Variants in ZFPM2 observed in about 807,000 individuals in gnomAD.
The protein encoded by ZFPM2 is zinc finger protein, FOG family member 2.
ZFPM2 carries 20 observed loss-of-function variants against 98.6 expected under a neutral mutation model. That is an observed-to-expected ratio of 0.20 (90% CI 0.14 to 0.29). The LOEUF is 0.29. Among genes scored for constraint, ZFPM2 ranks in the 10% least tolerant of loss-of-function variants. The pLI, the probability that ZFPM2 is intolerant of heterozygous loss-of-function variation, is 1.00. For missense variants in ZFPM2, 1,310 were observed against 1,388.6 expected (o/e 0.94, Z 0.90); for synonymous variants, 518 against 502.7 (o/e 1.03, Z -0.41).
intron 3 of ZFPM2, among the ~76,000 whole-genome samples, chr8:105,521,237 TA>T (rs887787188): frequency 6.6e-6 from 1 of 151,704 alleles, no homozygotes; most frequent in African/African-American, 2.4e-5. Flanking sequence ...GGGCCATCAG[TA>T]AATCTAGAAA....
chr8:105,387,737 A>AC (rs1296921282), intron 1 of ZFPM2: 5 of 155,130 alleles, frequency 3.2e-5, no homozygotes, highest in African/African-American at 1.2e-4. Flanking sequence ...AAGGGGCTCC[A>AC]CCGTGCAGCG....
chr8:105,709,853 A>G (rs1405862615), intron 5 of ZFPM2, among the ~76,000 whole-genome samples: 2 of 152,178 alleles, frequency 1.3e-5, no homozygotes, highest in East Asian at 1.9e-4. Flanking sequence ...GGATTTCGCT[A>G]TGAAACTCAA....
intron 4 of ZFPM2, among the ~76,000 whole-genome samples, chr8:105,632,683 C>G (rs2130836738): frequency 6.6e-6 from 1 of 152,170 alleles, no homozygotes. Flanking sequence ...ACATTTTTGT[C>G]TATATTGTTA....
chr8:105,448,565 T>G (rs1812423451), intron 3 of ZFPM2, among the ~76,000 whole-genome samples: 1 of 152,070 alleles, frequency 6.6e-6, no homozygotes, highest in South Asian at 2.1e-4. Flanking sequence ...TAATTATTCA[T>G]GTACCATATT....
Position 105,802,009 on chromosome 8 carries a change from G to A in ZFPM2, c.1927G>A (p.Asp643Asn), listed in dbSNP as rs1327419184. Reference protein sequence around the residue: ...DLIGPNGKGHDKDFSTQTKKL... With the variant: ...DLIGPNGKGHNKDFSTQTKKL... ...AATTGGGCCAAATGGGAAGGGCCAT[G>A]ACAAGGACTTTTCCACTCAAACTAA... The change falls in exon 8 of 8, where the codon GAC becomes AAC. Residue 643 changes from aspartate (D) to asparagine (N), a missense_variant. Asp to Asn is a conservative substitution (Grantham distance 23). Coordinates refer to ENST00000407775, the MANE Select transcript of ZFPM2 (RefSeq NM_012082.4). 3 of 1,613,784 alleles carry A rather than the reference G, an allele frequency of 1.9e-6. No homozygotes were observed. Among genetic ancestry groups the A allele is most frequent in the East Asian group, 4.5e-5 (2 of 44,840 alleles).
chr8:105,363,505 C>T (rs1331423164), intron 1 of ZFPM2, among the ~76,000 whole-genome samples: 1 of 152,114 alleles, frequency 6.6e-6, no homozygotes, highest in Non-Finnish European at 1.5e-5. Flanking sequence ...TATTCTACTA[C>T]ATGCTTTAAT....
intron 5 of ZFPM2, among the ~76,000 whole-genome samples, chr8:105,675,128 A>G (rs1810415772): frequency 6.6e-6 from 1 of 152,194 alleles, no homozygotes; most frequent in Non-Finnish European, 1.5e-5. Flanking sequence ...ATGTCAAAAT[A>G]TAGATTGGAA....
intron 3 of ZFPM2, among the ~76,000 whole-genome samples, chr8:105,510,191 C>T (rs1163403342): frequency 6.6e-6 from 1 of 152,088 alleles, no homozygotes; most frequent in Non-Finnish European, 1.5e-5. Flanking sequence ...ATGATTACAG[C>T]CTTGTATATC....
At chr8:105,587,857 C>T (rs1296114354) in intron 4 of ZFPM2, among the ~76,000 whole-genome samples, 1 of 152,120 alleles carries the variant, frequency 6.6e-6, no homozygotes, top group Non-Finnish European at 1.5e-5. Context: ...ATGCCAGTAG[C>T]ATCCCCCTGG....
chr8:105,750,719 T>G (rs1812455615), intron 5 of ZFPM2, among the ~76,000 whole-genome samples: 1 of 151,960 alleles, frequency 6.6e-6, no homozygotes, highest in Non-Finnish European at 1.5e-5. Context: ...ACTCATAGTT[T>G]TCCTGACTCA....
At chr8:105,451,363 T>C (rs550615732) in intron 3 of ZFPM2, among the ~76,000 whole-genome samples, 6 of 152,272 alleles carry the variant, frequency 3.9e-5, no homozygotes, top group Non-Finnish European at 8.8e-5. Context: ...AAGCTCCCTC[T>C]CTAAAACTTA....
chr8:105,405,248 A>G (rs1209886811), intron 1 of ZFPM2, among the ~76,000 whole-genome samples: 2 of 151,932 alleles, frequency 1.3e-5, no homozygotes, highest in Non-Finnish European at 2.9e-5. Context: ...GATGTGAGAT[A>G]ATGGTCCACT....
At chr8:105,689,888 A>G (rs774266689) in intron 5 of ZFPM2, among the ~76,000 whole-genome samples, 64 of 152,338 alleles carry the variant, frequency 4.2e-4, no homozygotes, top group Middle Eastern at 3.4e-3. Context: ...TAGGCTGTCC[A>G]TGATCTAGAG....
intron 1 of ZFPM2, among the ~76,000 whole-genome samples, chr8:105,320,001 T>C (rs1811990674): frequency 6.6e-6 from 1 of 152,166 alleles, no homozygotes; most frequent in Non-Finnish European, 1.5e-5. Context: ...TAGTTTATTT[T>C]TTGCTAGCTT....
chr8:105,577,420 T>C (rs1419537466), intron 4 of ZFPM2, among the ~76,000 whole-genome samples: 1 of 151,908 alleles, frequency 6.6e-6, no homozygotes, highest in Non-Finnish European at 1.5e-5. Context: ...TGTATGTTTT[T>C]CCTATTCTTT....
rs1586231822 is a variant in ZFPM2, at chr8:105,740,387, G to A, written c.533-48331G>A. ...AGAATGAAGTGATAAAAAGATGATG[G>A]TAAATTATTTCTATAGCATAGAAAC... On this transcript the variant is annotated intron_variant, in intron 5 of 7. Coordinates refer to ENST00000407775, the MANE Select transcript of ZFPM2 (RefSeq NM_012082.4). Among the ~76,000 whole-genome samples, 4 of 151,688 alleles carry A rather than the reference G, an allele frequency of 2.6e-5. No homozygotes were observed. The East Asian group carries it at 7.8e-4, about 30-fold the overall frequency.
intron 5 of ZFPM2, among the ~76,000 whole-genome samples, chr8:105,746,650 TAA>T (rs61605377): frequency 1.8e-5 from 2 of 111,126 alleles, no homozygotes; most frequent in Non-Finnish European, 3.7e-5. Context: ...GTTCTGTTTT[TAA>T]AAATTTTTTT....
intron 4 of ZFPM2, among the ~76,000 whole-genome samples, chr8:105,607,434 C>T (rs1451345232): frequency 6.6e-6 from 1 of 152,042 alleles, no homozygotes; most frequent in African/African-American, 2.4e-5. Context: ...AACACCCCCT[C>T]TCACTTTCAC....
chr8:105,741,445 G>A (rs993645478), intron 5 of ZFPM2, among the ~76,000 whole-genome samples: 2 of 152,102 alleles, frequency 1.3e-5, no homozygotes, highest in Admixed American at 1.3e-4. Flanking sequence ...TTGCCATGCT[G>A]TTGGAGATGA....
Sources: gnomAD v4.1 joint callset for allele counts (sites outside exome capture counted in the v4.1 genomes callset) on GRCh38, gnomAD v4.1.1 for gene constraint, MANE v1.5 for transcripts, NCBI Gene and HGNC (gene_info 2026-07-23, HGNC 2026-07-21) for gene names.